CLDN10: variants seen among roughly 807,000 people sequenced by gnomAD.
CLDN10 encodes the protein claudin 10.
CLDN10 carries 15 observed loss-of-function variants against 22.9 expected under a neutral mutation model. That is an observed-to-expected ratio of 0.65 (90% CI 0.44 to 1.01). The LOEUF (loss-of-function observed/expected upper bound fraction) is 1.01. CLDN10 is among the 50% of genes least tolerant of loss of function. The pLI is 0.00. For synonymous variants in CLDN10, 114 were observed against 111.4 expected, an observed-to-expected ratio of 1.02 and a Z score of -0.15; for missense variants, 247 against 287.8, an observed-to-expected ratio of 0.86 and a Z score of 1.03.
chr13:95,488,885 C>A lies in CLDN10; in HGVS notation c.214+54838C>A, dbSNP rs543260058. 3.3e-5 allele frequency among the ~76,000 whole-genome samples: 5 copies of A among 149,518 alleles called. No homozygotes were observed. The South Asian group carries it at 8.5e-4, about 25-fold the overall frequency. On this transcript the variant is annotated intron_variant, in intron 1 of 4. Transcript: ENST00000376873. Reference sequence around the variant, plus strand: ...TTTTGGTGTAATGATGTAATGACTTCTTTTCTTCTGGGTAGATACCCAGTA... The same window carrying A: ...TTTTGGTGTAATGATGTAATGACTTATTTTCTTCTGGGTAGATACCCAGTA...
At chr13:95,552,332 A>G (rs1364162723), upstream of CLDN10, among the ~76,000 whole-genome samples, 2 of 126,712 alleles carry the variant, frequency 1.6e-5, no homozygotes, top group South Asian at 2.6e-4. Context: ...TGCTTCTACA[A>G]GGTAGTCAGG....
chr13:95,436,465 A>T (rs2042272902), intron 1 of CLDN10, among the ~76,000 whole-genome samples: 1 of 152,150 alleles, frequency 6.6e-6, no homozygotes, highest in Non-Finnish European at 1.5e-5. Context: ...GATTATAAGC[A>T]TGAGCCACCA....
chr13:95,433,861 G>A, exon 1 of CLDN10: 1 of 1,614,178 alleles, frequency 6.2e-7, no homozygotes, highest in Non-Finnish European at 8.5e-7. Flanking sequence ...CTGGGCTCTG[G>A]TGTCTGGTGT....
Position 95,544,173 on chromosome 13 carries a change from A to G in CLDN10, c.215-15959A>G, listed in dbSNP as rs2043485852. Among the ~76,000 whole-genome samples, 3 of 152,238 alleles carry G rather than the reference A, an allele frequency of 2.0e-5. No homozygotes were observed. The South Asian group carries it at 6.2e-4, about 31-fold the overall frequency. On this transcript the variant is annotated intron_variant, in intron 1 of 4. Transcript: ENST00000376873. ...AATCACATCTGGAAATTAATATGAA[A>G]TAATAAAATTGTATTATTTGCTTTT...
chr13:95,555,541 C>G (rs941628925), intron 1 of CLDN10, among the ~76,000 whole-genome samples: 1 of 152,186 alleles, frequency 6.6e-6, no homozygotes, highest in Admixed American at 6.5e-5. Context: ...GTTGCAATCT[C>G]ACACCATTGT....
At chr13:95,490,984 G>T (rs1408547400) in intron 1 of CLDN10, among the ~76,000 whole-genome samples, 1 of 152,142 alleles carries the variant, frequency 6.6e-6, no homozygotes, top group African/African-American at 2.4e-5. Context: ...GCTTCCTGTT[G>T]AACAAGGTCT....
intron 1 of CLDN10, among the ~76,000 whole-genome samples, chr13:95,496,719 G>A (rs975691829): frequency 2.0e-5 from 3 of 152,214 alleles, no homozygotes; most frequent in African/African-American, 7.2e-5. Context: ...TCCCACCACG[G>A]GGGCCCCACC....
At chr13:95,496,784 T>C (rs938353080) in intron 1 of CLDN10, among the ~76,000 whole-genome samples, 2 of 152,208 alleles carry the variant, frequency 1.3e-5, no homozygotes, top group Non-Finnish European at 2.9e-5. Flanking sequence ...TCAAATGCCA[T>C]CACATTGGGG....
At chr13:95,473,591 G>T (rs142308282) in intron 1 of CLDN10, among the ~76,000 whole-genome samples, 1 of 152,192 alleles carries the variant, frequency 6.6e-6, no homozygotes, top group African/African-American at 2.4e-5. Context: ...AGGCTCTCAC[G>T]TGCCTTATTC....
intron 3 of CLDN10, among the ~76,000 whole-genome samples, chr13:95,574,664 G>T (rs2043901980): frequency 6.6e-6 from 1 of 152,110 alleles, no homozygotes; most frequent in Non-Finnish European, 1.5e-5. Flanking sequence ...CAGCTACTCG[G>T]GAGGCTGAGG....
At chr13:95,517,089 C>G (rs927495993) in intron 1 of CLDN10, among the ~76,000 whole-genome samples, 1 of 126,820 alleles carries the variant, frequency 7.9e-6, no homozygotes, top group African/African-American at 3.1e-5. Context: ...CTTCCCTGTC[C>G]TCCTCCCTCC....
At chr13:95,436,813 A>G (rs561798907) in intron 1 of CLDN10, among the ~76,000 whole-genome samples, 29 of 152,186 alleles carry the variant, frequency 1.9e-4, no homozygotes, top group Non-Finnish European at 3.5e-4. Context: ...ATTTGAAAAC[A>G]TAACAATGAG....
intron 1 of CLDN10, among the ~76,000 whole-genome samples, chr13:95,495,760 A>AAAAAAAAAAAAG (rs1162651391): frequency 5.4e-5 from 7 of 129,258 alleles, no homozygotes; most frequent in Non-Finnish European, 1.1e-4. Context: ...AAAAAAAAAG[A>AAAAAAAAAAAAG]AAAGAAAGAA....
chr13:95,504,416 T>A (rs1452294991), intron 1 of CLDN10, among the ~76,000 whole-genome samples: 1 of 152,352 alleles, frequency 6.6e-6, no homozygotes, highest in Non-Finnish European at 1.5e-5. Context: ...AGTCTCACTC[T>A]GTCACCCAGG....
In CLDN10 at chr13:95,520,913, C is replaced by A. The variant is rs118123825; in HGVS notation, c.215-39219C>A. ...GAGAATCGCGGAGACTGCAGTGAGC[C>A]GAGATCACACCAATGCACTCCAGCC... On this transcript the variant is annotated intron_variant, in intron 1 of 4. Coordinates refer to the CLDN10 transcript ENST00000376873. Among the ~76,000 whole-genome samples, 368 of 150,710 alleles carry A rather than the reference C, an allele frequency of 2.4e-3. 3 individuals carry two copies. The East Asian group carries it at 0.046, about 19-fold the overall frequency.
At chr13:95,493,375 C>T (rs901876508) in intron 1 of CLDN10, among the ~76,000 whole-genome samples, 1 of 151,992 alleles carries the variant, frequency 6.6e-6, no homozygotes, top group Non-Finnish European at 1.5e-5. Context: ...TAAAGACATC[C>T]GCATTGTTAT....
intron 1 of CLDN10, among the ~76,000 whole-genome samples, chr13:95,516,821 C>T (rs1566312158): frequency 6.6e-6 from 1 of 152,046 alleles, no homozygotes; most frequent in African/African-American, 2.4e-5. Flanking sequence ...GAATTCTTTG[C>T]TCTATAAACC....
intron 1 of CLDN10, among the ~76,000 whole-genome samples, chr13:95,484,826 A>G (rs112818612): frequency 0.6 from 86,039 of 143,594 alleles, 26,893 homozygotes; most frequent in African/African-American, 0.79. Context: ...AGATTGTGCC[A>G]CTGCACTCCA....
intron 1 of CLDN10, among the ~76,000 whole-genome samples, chr13:95,434,521 G>A (rs1011911925): frequency 2.6e-5 from 3 of 116,744 alleles, no homozygotes; most frequent in African/African-American, 1.4e-4. Context: ...ATGTGTGTGT[G>A]TATATATATA....
Sources: gnomAD v4.1 joint callset for allele counts (sites outside exome capture counted in the v4.1 genomes callset) on GRCh38, gnomAD v4.1.1 for gene constraint, MANE v1.5 for transcripts, NCBI Gene and HGNC (gene_info 2026-07-23, HGNC 2026-07-21) for gene names.